The following CADPS variants were observed in gnomAD, a reference collection of about 807,000 sequenced individuals.
CADPS encodes calcium dependent secretion activator.
CADPS carries 57 observed loss-of-function variants against 167.3 expected under a neutral mutation model. The ratio of observed to expected loss-of-function variants is 0.34; its 90% CI spans 0.28 to 0.42. CADPS has a LOEUF of 0.42. CADPS is among the 20% of genes least tolerant of loss of function. CADPS has a pLI of 1.00. For missense variants in CADPS, 1,414 were observed against 1,738.1 expected (o/e 0.81, Z 3.32); for synonymous variants, 676 against 635.3 (o/e 1.06, Z -0.96).
intron 26 of CADPS, among the ~76,000 whole-genome samples, chr3:62,448,733 C>A (rs956076071): frequency 2.0e-4 from 30 of 152,162 alleles, no homozygotes; most frequent in African/African-American, 6.7e-4. Flanking sequence ...ACTGCCTCAG[C>A]CTCCTGAGTA....
intron 10 of CADPS, among the ~76,000 whole-genome samples, chr3:62,554,696 C>A (rs1486576506): frequency 6.6e-6 from 1 of 152,152 alleles, no homozygotes; most frequent in East Asian, 1.9e-4. Flanking sequence ...TGACCTCTCC[C>A]TACTTCTGGT....
At chr3:62,442,965 T>A (rs2056605291) in intron 27 of CADPS, among the ~76,000 whole-genome samples, 1 of 152,372 alleles carries the variant, frequency 6.6e-6, no homozygotes, top group South Asian at 2.1e-4. Flanking sequence ...AATTGTTATT[T>A]ATTTACTAAA....
intron 3 of CADPS, among the ~76,000 whole-genome samples, chr3:62,722,802 T>C (rs2076061676): frequency 6.6e-6 from 1 of 152,180 alleles, no homozygotes; most frequent in African/African-American, 2.4e-5. Flanking sequence ...GTTGGGTAAT[T>C]GTTTTTTGTG....
chr3:62,780,955 A>G (rs2091455019), intron 1 of CADPS, among the ~76,000 whole-genome samples: 6 of 152,208 alleles, frequency 3.9e-5, no homozygotes, highest in Admixed American at 3.9e-4. Flanking sequence ...GTGCTATCCA[A>G]TAAATGTTAG....
intron 6 of CADPS, among the ~76,000 whole-genome samples, chr3:62,603,577 T>A (rs373017313): frequency 6.6e-6 from 1 of 152,142 alleles, no homozygotes; most frequent in African/African-American, 2.4e-5. Flanking sequence ...ATTGGCAGAG[T>A]CTGTTTGCAT....
chr3:62,647,756 T>C (rs1250500570), intron 5 of CADPS, among the ~76,000 whole-genome samples: 1 of 152,216 alleles, frequency 6.6e-6, no homozygotes, highest in Non-Finnish European at 1.5e-5. Context: ...TGACTTCACA[T>C]CCTGATTATG....
At chr3:62,805,376 G>A (rs937907081) in intron 1 of CADPS, among the ~76,000 whole-genome samples, 2 of 152,166 alleles carry the variant, frequency 1.3e-5, no homozygotes, top group African/African-American at 4.8e-5. Flanking sequence ...AGAAACTGAA[G>A]CTAAGTCATT....
chr3:62,563,624 T>C (rs1423915700), intron 9 of CADPS, among the ~76,000 whole-genome samples: 1 of 152,172 alleles, frequency 6.6e-6, no homozygotes, highest in Non-Finnish European at 1.5e-5. Context: ...TTTATGAGAT[T>C]TTGGTGAACC....
intron 1 of CADPS, among the ~76,000 whole-genome samples, chr3:62,832,144 G>C (rs1264742283): frequency 6.6e-6 from 1 of 152,174 alleles, no homozygotes; most frequent in Non-Finnish European, 1.5e-5. Context: ...AACACAGGAG[G>C]GTGAGAGTAA....
intron 5 of CADPS, among the ~76,000 whole-genome samples, chr3:62,646,906 T>C (rs1008948015): frequency 6.6e-6 from 1 of 152,200 alleles, no homozygotes; most frequent in African/African-American, 2.4e-5. Flanking sequence ...TGCAGCTGCA[T>C]AGTCTTTGGT....
intron 8 of CADPS, among the ~76,000 whole-genome samples, chr3:62,578,540 G>A (rs1036497197): frequency 6.7e-6 from 1 of 150,224 alleles, no homozygotes; most frequent in Non-Finnish European, 1.5e-5. Context: ...AACCCGGGAG[G>A]CGGAGCTTGC....
At chr3:62,766,054 G>T in intron 1 of CADPS, 70 bp from the exon 2 acceptor site, 1 of 1,083,940 alleles carries the variant, frequency 9.2e-7, no homozygotes, top group Non-Finnish European at 1.4e-6. Flanking sequence ...ACTTTATGCT[G>T]AAGATGCCAG....
intron 3 of CADPS, among the ~76,000 whole-genome samples, chr3:62,718,901 C>T (rs936608793): frequency 2.0e-5 from 3 of 152,176 alleles, no homozygotes; most frequent in African/African-American, 4.8e-5. Context: ...AAGCTGGCTC[C>T]GGGCTTTGGG....
At chr3:62,701,896 C>A (rs1056311406) in intron 3 of CADPS, among the ~76,000 whole-genome samples, 6 of 152,124 alleles carry the variant, frequency 3.9e-5, no homozygotes, top group Admixed American at 2.0e-4. Flanking sequence ...TTGAGTCATG[C>A]AAGAAACTGC....
intron 1 of CADPS, among the ~76,000 whole-genome samples, chr3:62,823,187 T>G (rs986978833): frequency 2.0e-5 from 3 of 152,206 alleles, no homozygotes; most frequent in Non-Finnish European, 1.5e-5. Context: ...CAGCACTAAC[T>G]CAGGTGGTAA....
intron 8 of CADPS, among the ~76,000 whole-genome samples, chr3:62,581,693 A>C (rs2083465226): frequency 6.6e-6 from 1 of 152,086 alleles, no homozygotes; most frequent in African/African-American, 2.4e-5. Context: ...AAAGAAAAAC[A>C]AAAATTGATG....
intron 3 of CADPS, among the ~76,000 whole-genome samples, chr3:62,715,843 G>A (rs1201926955): frequency 4.9e-5 from 3 of 61,310 alleles, no homozygotes; most frequent in Non-Finnish European, 1.1e-4. Context: ...TGCAAGCTCC[G>A]CCTCCCGGGT....
At chr3:62,865,385 TAAA>T (rs35780515) in intron 1 of CADPS, among the ~76,000 whole-genome samples, 64 of 110,116 alleles carry the variant, frequency 5.8e-4, no homozygotes, top group African/African-American at 1.7e-3. Flanking sequence ...ACTTAAGGAT[TAAA>T]AAAAAAAAAA....
rs1444437550 is a variant in CADPS at position 62,599,852 on chromosome 3, A to T, written c.1326-7104T>A. On this transcript the variant is annotated intron_variant, in intron 6 of 29. Transcript: ENST00000383710. ...TATATATAATATATTATATATATAT[A>T]ATATATATAATATATAATAATATAT... is the stretch of plus-strand genomic sequence containing the variant. 6.0e-3 allele frequency among the ~76,000 whole-genome samples: 257 copies of T among 42,556 alleles called. 5 individuals carry two copies. The highest frequency in any genetic ancestry group is 0.025 in the African/African-American group (245 of 9,932). The allele number at this position is 42,556 out of a possible 152,430, so 27.9% of individuals were successfully genotyped here.
Sources: allele counts gnomAD v4.1 joint callset (sites outside exome capture counted in the v4.1 genomes callset), GRCh38; gene constraint gnomAD v4.1.1; transcripts MANE v1.5; gene names NCBI Gene and HGNC (gene_info 2026-07-23, HGNC 2026-07-21).